GRIA1: variants seen among roughly 807,000 people sequenced by gnomAD.
The protein encoded by GRIA1 is glutamate receptor 1.
A neutral mutation model predicts 99.2 loss-of-function variants in GRIA1; 31 were observed. That is an observed-to-expected ratio of 0.31 (90% confidence interval 0.23 to 0.42). GRIA1 has a LOEUF of 0.42. Among genes scored for constraint, GRIA1 ranks in the 10% least tolerant of loss-of-function variants. GRIA1 has a pLI of 1.00. For missense variants in GRIA1, 782 were observed against 1,157.5 expected, an observed-to-expected ratio of 0.68 and a Z score of 4.71; for synonymous variants, 438 against 432.4, an observed-to-expected ratio of 1.01 and a Z score of -0.16.
chr5:153,774,064 A>AC (rs1764055010), intron 13 of GRIA1, among the ~76,000 whole-genome samples: 6 of 42,846 alleles, frequency 1.4e-4, no homozygotes, highest in Admixed American at 2.8e-4. Context: ...CCTACACCCC[A>AC]ACCCCCCCTC....
At chr5:153,721,001 A>T (rs6859463) in intron 11 of GRIA1, among the ~76,000 whole-genome samples, 2 of 152,020 alleles carry the variant, frequency 1.3e-5, no homozygotes. Context: ...TAGGAGAGAT[A>T]GACATTGGTA....
At chr5:153,740,966 CTTTTTTTTTT>C (rs10601141) in intron 11 of GRIA1, among the ~76,000 whole-genome samples, 4 of 76,782 alleles carry the variant, frequency 5.2e-5, no homozygotes, top group African/African-American at 1.7e-4. Flanking sequence ...AAGAAATTGG[CTTTTTTTTTT>C]TTTTTTTTTT....
intron 2 of GRIA1, among the ~76,000 whole-genome samples, chr5:153,505,918 T>G (rs1189661726): frequency 6.6e-6 from 1 of 152,178 alleles, no homozygotes; most frequent in African/African-American, 2.4e-5. Flanking sequence ...GGAGGTGACT[T>G]CTGAGCTCAG....
At position 153,778,651 on chromosome 5, in the gene GRIA1, C is replaced by CCACACA. The variant is rs57534899; in HGVS notation, c.2270+8267_2270+8272dup. ...AAGATTATTTAATCATCACCCCCCA[C>CCACACA]CACACACACACACACACACACACAC... On this transcript the variant is annotated intron_variant, in intron 13 of 15. Coordinates refer to ENST00000285900, the MANE Select transcript of GRIA1 (RefSeq NM_000827.4). Among the ~76,000 whole-genome samples the CCACACA allele has an allele frequency of 2.7e-3, 398 of 147,388 alleles. 3 individuals are homozygous for CCACACA. The highest frequency in any genetic ancestry group is 5.4e-3 in the African/African-American group (218 of 40,222).
chr5:153,638,041 C>T (rs1283167013), intron 2 of GRIA1, among the ~76,000 whole-genome samples: 4 of 152,150 alleles, frequency 2.6e-5, no homozygotes, highest in Admixed American at 2.6e-4. Context: ...TCATTCAGTG[C>T]AAGACATGTC....
intron 11 of GRIA1, among the ~76,000 whole-genome samples, chr5:153,749,641 T>C (rs1364942001): frequency 6.6e-6 from 1 of 151,944 alleles, no homozygotes; most frequent in African/African-American, 2.4e-5. Flanking sequence ...TCATGAGGGA[T>C]CCACCCCCAT....
chr5:153,544,440 A>G (rs974194088), intron 2 of GRIA1, among the ~76,000 whole-genome samples: 1 of 152,204 alleles, frequency 6.6e-6, no homozygotes, highest in Non-Finnish European at 1.5e-5. Flanking sequence ...AAGACAAAGG[A>G]AAGTCAGGGA....
In GRIA1 at chr5:153,764,632, G is replaced by C; in HGVS notation, c.2022G>C (p.Arg674Ser). 6.2e-7 allele frequency: 1 copy of C among 1,609,446 alleles called. No homozygotes were observed. The highest frequency in any genetic ancestry group is 1.7e-5 in the Admixed American group (1 of 59,998). The change falls in exon 12 of 16, where the codon AGG becomes AGC. Residue 674 changes from arginine to serine, a missense_variant and splice_region_variant. Arg to Ser is a moderately radical substitution (Grantham distance 110). Transcript: ENST00000285900. ...CAGGATCTACTAAGGAGTTCTTCAG[G>C]GTAGGGACATCCTTTGTCCCAAGAC... ...LEAGSTKEFFRRSKIAVFEKM... is the reference protein window; with the variant it reads ...LEAGSTKEFFSRSKIAVFEKM...
At chr5:153,655,771 T>C (rs1754898355) in intron 4 of GRIA1, 48 bp from the exon 5 acceptor site, 1 of 1,540,076 alleles carries the variant, frequency 6.5e-7, no homozygotes, top group Non-Finnish European at 9.0e-7. Flanking sequence ...TTGTCGTGGC[T>C]TTAACTGTTA....
At chr5:153,644,733 G>A (rs1281035509) in intron 2 of GRIA1, among the ~76,000 whole-genome samples, 1 of 152,134 alleles carries the variant, frequency 6.6e-6, no homozygotes, top group African/African-American at 2.4e-5. Context: ...TCTATACAGA[G>A]AGGTGAGATT....
At position 153,611,633 on chromosome 5, in the gene GRIA1, C is replaced by G. The variant is rs75003568; in HGVS notation, c.221-35295C>G. The stretch of plus-strand genomic sequence containing the variant: ...ACAGATGCATAATTGTTGGCTCTCA[C>G]GAAGACTTAAAATTAAAGTCGGAGG... On this transcript the variant is annotated intron_variant, in intron 2 of 15. Coordinates refer to ENST00000285900, the MANE Select transcript of GRIA1 (RefSeq NM_000827.4). 1.1e-4 allele frequency among the ~76,000 whole-genome samples: 17 copies of G among 152,216 alleles called. 1 individual carries two copies. Among genetic ancestry groups the G allele is most frequent in the African/African-American group, 4.1e-4 (17 of 41,530 alleles).
chr5:153,795,659 G>A (rs1012000780), intron 14 of GRIA1: 13 of 868,730 alleles, frequency 1.5e-5, no homozygotes, highest in East Asian at 2.7e-5. Context: ...AGTGTCCTCC[G>A]AGCCTCAGAG....
chr5:153,749,037 G>C (rs1762337826), intron 11 of GRIA1, among the ~76,000 whole-genome samples: 1 of 152,098 alleles, frequency 6.6e-6, no homozygotes, highest in Non-Finnish European at 1.5e-5. Context: ...CTTGAGCTTT[G>C]GGCACAGCAA....
At chr5:153,775,227 G>A (rs1317572627) in intron 13 of GRIA1, among the ~76,000 whole-genome samples, 1 of 152,196 alleles carries the variant, frequency 6.6e-6, no homozygotes, top group Non-Finnish European at 1.5e-5. Context: ...AGGGGGCTTA[G>A]CCCACGTTTT....
chr5:153,542,877 C>T (rs569148368), intron 2 of GRIA1, among the ~76,000 whole-genome samples: 2 of 152,266 alleles, frequency 1.3e-5, no homozygotes, highest in Admixed American at 1.3e-4. Flanking sequence ...TTTCGTCTCT[C>T]ACTAAATTAT....
At chr5:153,569,902 C>G (rs987417581) in intron 2 of GRIA1, among the ~76,000 whole-genome samples, 1 of 152,156 alleles carries the variant, frequency 6.6e-6, no homozygotes, top group African/African-American at 2.4e-5. Context: ...CTAACTTTCC[C>G]AAGTTCACAA....
chr5:153,784,766 C>T (rs567115685), intron 13 of GRIA1, among the ~76,000 whole-genome samples: 3 of 152,244 alleles, frequency 2.0e-5, no homozygotes, highest in Non-Finnish European at 4.4e-5. Flanking sequence ...AGTCAGTTTA[C>T]CTTAAATGGT....
intron 4 of GRIA1, 144 bp from the exon 5 acceptor site, chr5:153,655,674 TC>T: frequency 1.5e-6 from 1 of 666,126 alleles, no homozygotes; most frequent in Non-Finnish European, 2.7e-6. Context: ...AATGCCACCA[TC>T]ATTGGATGGT....
intron 2 of GRIA1, among the ~76,000 whole-genome samples, chr5:153,641,946 AT>A (rs1753803575): frequency 6.6e-6 from 1 of 152,156 alleles, no homozygotes; most frequent in African/African-American, 2.4e-5. Flanking sequence ...CTGTATCTCC[AT>A]TGCCTAACAT....
Sources: allele counts gnomAD v4.1 joint callset (sites outside exome capture counted in the v4.1 genomes callset), GRCh38; gene constraint gnomAD v4.1.1; transcripts MANE v1.5; gene names NCBI Gene and HGNC (gene_info 2026-07-23, HGNC 2026-07-21).